CRACDL: variants seen among roughly 807,000 people sequenced by gnomAD.
The protein encoded by CRACDL is CRACD-like protein.
In CRACDL, 26 loss-of-function variants were observed where a neutral mutation model predicts 70.6. That is an observed-to-expected ratio of 0.37 (90% confidence interval 0.27 to 0.51). The LOEUF is 0.51. Among genes scored for constraint, CRACDL ranks in the 20% least tolerant of loss-of-function variants. The pLI is 0.94. For synonymous variants in CRACDL, 618 were observed against 615.2 expected (o/e 1.00, Z -0.07); for missense variants, 1,283 against 1,376.9 (o/e 0.93, Z 1.08).
At chr2:98,921,712 G>A (rs1708806124) in intron 1 of CRACDL, among the ~76,000 whole-genome samples, 1 of 152,196 alleles carries the variant, frequency 6.6e-6, no homozygotes, top group African/African-American at 2.4e-5. Context: ...GACGTGCTCA[G>A]AAGCCAGGGC....
intron 1 of CRACDL, among the ~76,000 whole-genome samples, chr2:98,891,405 A>AAAAAAAAGAAT (rs1707977563): frequency 6.8e-6 from 1 of 147,966 alleles, no homozygotes; most frequent in South Asian, 2.1e-4. Context: ...AAAAAAAAAA[A>AAAAAAAAGAAT]TCCAAACTTT....
Position 98,832,865 on chromosome 2 carries a change from C to T in CRACDL, c.372G>A (p.Leu124=). The change falls in exon 4 of 10, where the codon CTG becomes CTA. Residue 124 remains leucine, a synonymous_variant. Transcript: ENST00000397899. The part of the protein sequence containing the change: ...QENVCDRIKA[L]QLKIQCNVKM... ...ACATGACCAAGGAAACATTTACCTG[C>T]AGAGCTTTAATCCGATCACACACAT... 6.2e-7 allele frequency: 1 copy of T among 1,614,008 alleles called. No homozygotes were observed. The highest frequency in any genetic ancestry group is 2.2e-5 in the East Asian group (1 of 44,886).
At chr2:98,806,836 T>C (rs2104423256) in intron 7 of CRACDL, among the ~76,000 whole-genome samples, 1 of 152,322 alleles carries the variant, frequency 6.6e-6, no homozygotes, top group East Asian at 1.9e-4. Flanking sequence ...ATCTCAGATC[T>C]CCAGGAACTG....
chr2:98,801,385 T>G (rs972658292), intron 7 of CRACDL, among the ~76,000 whole-genome samples: 1 of 152,048 alleles, frequency 6.6e-6, no homozygotes, highest in African/African-American at 2.4e-5. Flanking sequence ...GAGAAAGGGG[T>G]GATGGGCTGA....
intron 1 of CRACDL, among the ~76,000 whole-genome samples, chr2:98,889,166 G>A (rs118042952): frequency 0.029 from 4,061 of 140,526 alleles, 156 homozygotes; most frequent in South Asian, 0.17. Context: ...AAGGAAGGAA[G>A]GAAGGGGAAG....
intron 1 of CRACDL, among the ~76,000 whole-genome samples, chr2:98,883,810 C>T (rs1456490945): frequency 3.3e-5 from 5 of 152,202 alleles, no homozygotes; most frequent in Non-Finnish European, 7.3e-5. Context: ...GCCTGTCATC[C>T]AGGCTGTTGT....
intron 7 of CRACDL, among the ~76,000 whole-genome samples, chr2:98,804,012 T>A (rs1360792165): frequency 6.6e-6 from 1 of 152,158 alleles, no homozygotes; most frequent in African/African-American, 2.4e-5. Flanking sequence ...GTTTTGCTTT[T>A]TAAAAGCCAT....
intron 7 of CRACDL, among the ~76,000 whole-genome samples, chr2:98,819,965 G>A (rs1704954954): frequency 6.6e-6 from 1 of 151,420 alleles, no homozygotes; most frequent in Non-Finnish European, 1.5e-5. Flanking sequence ...GATTAGAGGT[G>A]CGCGCCACCA....
At chr2:98,809,883 T>C (rs1349312926) in intron 7 of CRACDL, 2 of 152,214 alleles carry the variant, frequency 1.3e-5, no homozygotes, top group Non-Finnish European at 2.9e-5. Context: ...CTATTTGCTG[T>C]TATTACAAAT....
intron 1 of CRACDL, among the ~76,000 whole-genome samples, chr2:98,851,390 C>T (rs1306260989): frequency 6.6e-6 from 1 of 152,190 alleles, no homozygotes; most frequent in Admixed American, 6.5e-5. Flanking sequence ...AATATCAATT[C>T]ATTTAACCTC....
chr2:98,921,501 C>T (rs1487245868), intron 1 of CRACDL, among the ~76,000 whole-genome samples: 1 of 152,248 alleles, frequency 6.6e-6, no homozygotes, highest in African/African-American at 2.4e-5. Context: ...TTCTTGCCCC[C>T]ATTTACAGAT....
intron 1 of CRACDL, among the ~76,000 whole-genome samples, chr2:98,859,589 A>G (rs1706852771): frequency 6.6e-6 from 1 of 152,248 alleles, no homozygotes; most frequent in Non-Finnish European, 1.5e-5. Context: ...CAGAAAAAGC[A>G]CTTGACAAAA....
chr2:98,797,223 C>T lies in CRACDL; in HGVS notation c.2604+127G>A, dbSNP rs768848428. Reference sequence around the variant, plus strand: ...TCATTGGCTCTCGACCACACATCCACAACCATCACAGGTGACGGTCCCTGT... The same window carrying T: ...TCATTGGCTCTCGACCACACATCCATAACCATCACAGGTGACGGTCCCTGT... On this transcript the variant is annotated intron_variant, in intron 8 of 9. Transcript: ENST00000397899. 833 of 862,566 alleles carry T rather than the reference C, an allele frequency of 9.7e-4. 7 individuals are homozygous for T. The highest frequency in any genetic ancestry group is 3.6e-3 in the Middle Eastern group (10 of 2,806). 53.4% of individuals were successfully genotyped at this position (862,566 alleles called of 1,614,324 possible).
chr2:98,847,548 T>C (rs1235120405), intron 1 of CRACDL, among the ~76,000 whole-genome samples: 1 of 152,212 alleles, frequency 6.6e-6, no homozygotes, highest in African/African-American at 2.4e-5. Flanking sequence ...CCAGACATGA[T>C]GATCATTTAA....
intron 1 of CRACDL, among the ~76,000 whole-genome samples, chr2:98,876,425 C>T (rs1008492894): frequency 1.3e-5 from 2 of 152,134 alleles, no homozygotes; most frequent in Non-Finnish European, 2.9e-5. Context: ...AAGTAGCGGG[C>T]GAGCAAACAT....
intron 2 of CRACDL, among the ~76,000 whole-genome samples, chr2:98,838,562 C>G (rs1705893434): frequency 6.6e-6 from 1 of 152,172 alleles, no homozygotes; most frequent in African/African-American, 2.4e-5. Flanking sequence ...CAACTTTCCT[C>G]TCATGTATAA....
intron 1 of CRACDL, among the ~76,000 whole-genome samples, chr2:98,868,707 T>C (rs1203455334): frequency 3.9e-5 from 6 of 152,180 alleles, no homozygotes; most frequent in Non-Finnish European, 8.8e-5. Flanking sequence ...CTCTGCTGCC[T>C]TCCCTTCACT....
At chr2:98,835,412 A>C (rs1281312277) in intron 3 of CRACDL, among the ~76,000 whole-genome samples, 1 of 152,222 alleles carries the variant, frequency 6.6e-6, no homozygotes, top group African/African-American at 2.4e-5. Flanking sequence ...ATACCAAATA[A>C]ACCTGAGATT....
intron 1 of CRACDL, among the ~76,000 whole-genome samples, chr2:98,881,159 G>A (rs942865326): frequency 6.6e-6 from 1 of 152,168 alleles, no homozygotes; most frequent in Non-Finnish European, 1.5e-5. Context: ...AGCCCTGTAG[G>A]ACCAAGTCTG....
Sources: gnomAD v4.1 joint callset for allele counts (sites outside exome capture counted in the v4.1 genomes callset) on GRCh38, gnomAD v4.1.1 for gene constraint, MANE v1.5 for transcripts, NCBI Gene and HGNC (gene_info 2026-07-23, HGNC 2026-07-21) for gene names.